SLX4IP: variants seen among roughly 807,000 people sequenced by gnomAD.
SLX4IP encodes protein SLX4IP.
SLX4IP carries 34 observed loss-of-function variants against 32.9 expected under a neutral mutation model. The observed-to-expected ratio is 1.03, with a 90% CI of 0.79 to 1.38. The LOEUF (loss-of-function observed/expected upper bound fraction) is 1.38. SLX4IP is among the 40% of genes most tolerant of loss of function. SLX4IP has a pLI of 0.00. For missense variants in SLX4IP, 444 were observed against 479.0 expected (o/e 0.93, Z 0.68); for synonymous variants, 172 against 171.7 (o/e 1.00, Z -0.01).
intron 2 of SLX4IP, among the ~76,000 whole-genome samples, chr20:10,547,942 G>GT (rs1230797938): frequency 1.3e-5 from 2 of 152,182 alleles, no homozygotes; most frequent in Non-Finnish European, 2.9e-5. Flanking sequence ...ACAGTATGAG[G>GT]TGCTAGTCTC....
At chr20:10,523,018 C>G (rs1208308453) in intron 2 of SLX4IP, among the ~76,000 whole-genome samples, 1 of 152,146 alleles carries the variant, frequency 6.6e-6, no homozygotes, top group Non-Finnish European at 1.5e-5. Context: ...GCCTCTAAGT[C>G]TCCCGGCCCA....
chr20:10,471,145 T>TA (rs2065421463), intron 2 of SLX4IP, among the ~76,000 whole-genome samples: 1 of 152,248 alleles, frequency 6.6e-6, no homozygotes, highest in African/African-American at 2.4e-5. Flanking sequence ...TTTATTATCT[T>TA]ACAGTGACAT....
chr20:10,598,470 G>A (rs184781167), intron 4 of SLX4IP, among the ~76,000 whole-genome samples: 9 of 152,274 alleles, frequency 5.9e-5, no homozygotes, highest in Admixed American at 3.9e-4. Context: ...CACCATGTTG[G>A]CCAGGCTGGT....
intron 2 of SLX4IP, among the ~76,000 whole-genome samples, chr20:10,480,790 G>A (rs987690148): frequency 6.6e-6 from 1 of 152,120 alleles, no homozygotes; most frequent in Non-Finnish European, 1.5e-5. Context: ...TTTCATTTCC[G>A]GAATTGTTTC....
At chr20:10,454,689 T>C (rs1365252514) in intron 1 of SLX4IP, among the ~76,000 whole-genome samples, 2 of 152,264 alleles carry the variant, frequency 1.3e-5, no homozygotes, top group Non-Finnish European at 1.5e-5. Context: ...TTTTTGACTA[T>C]TATTAGTAGT....
intron 6 of SLX4IP, among the ~76,000 whole-genome samples, chr20:10,607,896 C>T (rs964776557): frequency 6.6e-6 from 1 of 152,062 alleles, no homozygotes; most frequent in African/African-American, 2.4e-5. Flanking sequence ...GAAATCTTCC[C>T]AAATGTTTAG....
chr20:10,560,717 A>G lies in SLX4IP; in HGVS notation c.135A>G (p.Leu45=), dbSNP rs1407512768. The change falls in exon 4 of 8, where the codon TTA becomes TTG. Residue 45 remains leucine, a synonymous_variant. Coordinates refer to ENST00000334534, the MANE Select transcript of SLX4IP (RefSeq NM_001009608.3). ...EQKKEEVCLL[L]KETIDSRVQE... ...TGCTTTAGGAAGTCTGTTTACTGTTAAAAGAAACCATTGATTCAAGAGTTC... is the reference window on the plus strand; with the variant it reads ...TGCTTTAGGAAGTCTGTTTACTGTTGAAAGAAACCATTGATTCAAGAGTTC... 6 of 1,589,246 alleles carry G rather than the reference A, an allele frequency of 3.8e-6. No individual in the cohort carries two copies. The highest frequency in any genetic ancestry group is 3.4e-6 in the Non-Finnish European group (4 of 1,168,560).
At chr20:10,530,739 AAG>A (rs1372088482) in intron 2 of SLX4IP, among the ~76,000 whole-genome samples, 6 of 152,232 alleles carry the variant, frequency 3.9e-5, no homozygotes, top group Admixed American at 3.9e-4. Flanking sequence ...TGATTATAAA[AAG>A]AAAATTAATT....
intron 2 of SLX4IP, among the ~76,000 whole-genome samples, chr20:10,519,667 T>C (rs1224647963): frequency 6.6e-6 from 1 of 152,262 alleles, no homozygotes; most frequent in Non-Finnish European, 1.5e-5. Context: ...TTATGACTAA[T>C]GTTGCTATGC....
chr20:10,516,642 C>T (rs1057448133), intron 2 of SLX4IP, among the ~76,000 whole-genome samples: 6 of 152,206 alleles, frequency 3.9e-5, no homozygotes, highest in Admixed American at 3.3e-4. Flanking sequence ...ACACGGAAAA[C>T]CTCAGAAGCT....
chr20:10,560,721 G>T lies in SLX4IP; in HGVS notation c.139G>T (p.Glu47Ter), dbSNP rs1282516257. The T allele has an allele frequency of 2.5e-6, 4 of 1,589,116 alleles. No homozygotes were observed. Among genetic ancestry groups the T allele is most frequent in the African/African-American group, 2.7e-5 (2 of 73,904 alleles). The change falls in exon 4 of 8, where the codon GAA becomes TAA. Residue 47 changes from glutamate (E) to a stop codon, truncating the protein, a stop_gained. Transcript: ENST00000334534. LOFTEE classifies it high-confidence loss of function. Reference protein sequence around the residue: ...KKEEVCLLLKETIDSRVQEYL... With the variant: ...KKEEVCLLLK The stretch of plus-strand genomic sequence containing the variant: ...TTAGGAAGTCTGTTTACTGTTAAAA[G>T]AAACCATTGATTCAAGAGTTCAGGA...
intron 1 of SLX4IP, among the ~76,000 whole-genome samples, chr20:10,436,506 G>C (rs887035936): frequency 6.6e-5 from 10 of 152,098 alleles, no homozygotes; most frequent in African/African-American, 2.4e-4. Flanking sequence ...ACAGGCGCGC[G>C]CCACCACCCC....
chr20:10,460,214 A>T (rs142867294), intron 2 of SLX4IP, among the ~76,000 whole-genome samples: 176 of 152,326 alleles, frequency 1.2e-3, no homozygotes, highest in African/African-American at 3.5e-3. Context: ...TTATTTTCCA[A>T]CAACAGTTTA....
At chr20:10,526,879 G>C (rs147780084) in intron 2 of SLX4IP, among the ~76,000 whole-genome samples, 2,938 of 152,238 alleles carry the variant, frequency 0.019, 81 homozygotes, top group African/African-American at 0.056. Context: ...TTGAGGCTGG[G>C]AGGCAGAGGT....
At chr20:10,602,300 C>CTG (rs1706632719) in intron 6 of SLX4IP, among the ~76,000 whole-genome samples, 1 of 151,876 alleles carries the variant, frequency 6.6e-6, no homozygotes, top group African/African-American at 2.4e-5. Flanking sequence ...CTCTCTCTCT[C>CTG]TCTCTCTGTC....
At chr20:10,548,476 T>C (rs972410684) in intron 2 of SLX4IP, among the ~76,000 whole-genome samples, 8 of 152,200 alleles carry the variant, frequency 5.3e-5, no homozygotes, top group African/African-American at 1.9e-4. Context: ...CCTGACCTTG[T>C]GATCCTCCCG....
intron 4 of SLX4IP, among the ~76,000 whole-genome samples, chr20:10,588,120 CA>C (rs1363348643): frequency 6.6e-6 from 1 of 151,444 alleles, no homozygotes; most frequent in Non-Finnish European, 1.5e-5. Context: ...GGAACTCATA[CA>C]ACTCAATAGC....
At chr20:10,595,854 C>T (rs1445752864) in intron 4 of SLX4IP, among the ~76,000 whole-genome samples, 2 of 152,168 alleles carry the variant, frequency 1.3e-5, no homozygotes, top group Non-Finnish European at 2.9e-5. Context: ...TAAGCAGGTG[C>T]AAATCTTTTT....
At chr20:10,494,796 G>A (rs1371868028) in intron 2 of SLX4IP, among the ~76,000 whole-genome samples, 1 of 151,896 alleles carries the variant, frequency 6.6e-6, no homozygotes, top group Non-Finnish European at 1.5e-5. Context: ...ATTTTAGGCT[G>A]AATTGATTTT....
Sources: gnomAD v4.1 joint callset for allele counts (sites outside exome capture counted in the v4.1 genomes callset) on GRCh38, gnomAD v4.1.1 for gene constraint, MANE v1.5 for transcripts, NCBI Gene and HGNC (gene_info 2026-07-23, HGNC 2026-07-21) for gene names.